The following ZSCAN20 variants were observed in gnomAD, a reference collection of about 807,000 sequenced individuals.
The protein encoded by ZSCAN20 is zinc finger and SCAN domain containing 20.
A neutral mutation model predicts 97.1 loss-of-function variants in ZSCAN20; 39 were observed. The ratio of observed to expected loss-of-function variants is 0.40; its 90% CI spans 0.31 to 0.52. The LOEUF (loss-of-function observed/expected upper bound fraction) is 0.52. Ranked by LOEUF, ZSCAN20 falls within the 20% of genes least tolerant of loss-of-function variation. The probability of loss-of-function intolerance (pLI) is 0.49; values close to 1 mark genes in which losing one functional copy is unlikely to be tolerated. For synonymous variants in ZSCAN20, 456 were observed against 467.3 expected (o/e 0.98, Z 0.31); for missense variants, 1,115 against 1,290.4 (o/e 0.86, Z 2.08).
rs1233304836 is a variant in ZSCAN20, at chr1:33,493,384, C to T, written c.1642C>T (p.Arg548Trp). The T allele has an allele frequency of 6.2e-6, 10 of 1,614,042 alleles. No individual in the cohort carries two copies. The highest frequency in any genetic ancestry group is 2.2e-5 in the East Asian group (1 of 44,888). Residue 548 changes from arginine to tryptophan, a missense_variant, in exon 7 of 8, where the codon CGG (arginine) becomes TGG (tryptophan). By Grantham distance (101) the Arg-to-Trp change is moderately radical. This residue lies in a region of ZSCAN20 where 53 missense variants were observed against 94.3 expected (regional missense o/e 0.56). Transcript: ENST00000684572. This position sits in a 1 kb window ranked among gnomAD's most constrained non-coding sequence, Gnocchi z 4.3. ...ATTCAAAAACCTCCTTCGAAGCTAC[C>T]GGAAAGCCAAGAGCAGCCACCCACC... ...YRFKNLLRSYRKAKSSHPPGT... is the reference protein window; with the variant it reads ...YRFKNLLRSYWKAKSSHPPGT...
chr1:33,495,558 A>C lies in ZSCAN20; in HGVS notation c.*82A>C. The C allele has an allele frequency of 7.8e-7, 1 of 1,286,244 alleles. No homozygotes were observed. Among genetic ancestry groups the C allele is most frequent in the Non-Finnish European group, 1.0e-6 (1 of 993,544 alleles). 79.7% of individuals were successfully genotyped at this position (1,286,244 alleles called of 1,614,324 possible). On this transcript the variant is annotated 3_prime_UTR_variant, in exon 8 of 8. Transcript: ENST00000684572. ...ATGTATGCTAGAGATAAACTTTCCA[A>C]TTTTTAAGCTTGGTGTGTACCCAGG...
At position 33,488,643 on chromosome 1, in the gene ZSCAN20, A is replaced by C; in HGVS notation, c.596A>C (p.Lys199Thr). Residue 199 changes from lysine (K) to threonine (T), a missense_variant, in exon 3 of 8, where the codon AAA (lysine) becomes ACA (threonine). By Grantham distance (78) the Lys-to-Thr change is moderately conservative (BLOSUM62 -1). Coordinates refer to ENST00000684572, the MANE Select transcript of ZSCAN20 (RefSeq NM_001377376.1). ...GCCGAGGTGGCACCACAGCCTTTGAAAGAGAGTGGTGAGTACATCTGAGAA... is the reference window on the plus strand; with the variant it reads ...GCCGAGGTGGCACCACAGCCTTTGACAGAGAGTGGTGAGTACATCTGAGAA... ...LNAEVAPQPL[K>T]ESAVLTPRVP... 1.9e-6 allele frequency: 3 copies of C among 1,611,972 alleles called. No individual in the cohort carries two copies. The highest frequency in any genetic ancestry group is 2.5e-6 in the Non-Finnish European group (3 of 1,179,422).
intron 1 of ZSCAN20, among the ~76,000 whole-genome samples, chr1:33,476,317 C>T (rs1442995285): frequency 1.3e-5 from 2 of 152,110 alleles, no homozygotes; most frequent in African/African-American, 2.4e-5. Flanking sequence ...TAGAAAGTTA[C>T]GGTTATGGTT....
In ZSCAN20 at chr1:33,497,940, C is replaced by T. The variant is rs918690020; in HGVS notation, c.*2464C>T. On this transcript the variant is annotated 3_prime_UTR_variant, in exon 8 of 8. Transcript: ENST00000684572. ...ATGGTGATGCTATGCATTTGGATGT[C>T]GGCTAGCAGCTAGGGGAGAGGCTAG... Among the ~76,000 whole-genome samples the T allele has an allele frequency of 3.9e-5, 6 of 152,100 alleles. No individual in the cohort carries two copies. Among genetic ancestry groups the T allele is most frequent in the Admixed American group, 1.3e-4 (2 of 15,278 alleles).
chr1:33,491,483 G>C lies in ZSCAN20; in HGVS notation c.1225G>C (p.Val409Leu). 1.2e-6 allele frequency: 2 copies of C among 1,614,132 alleles called. No individual in the cohort carries two copies. The highest frequency in any genetic ancestry group is 2.2e-5 in the South Asian group (2 of 91,060). Residue 409 changes from valine (V) to leucine (L), a missense_variant, in exon 6 of 8, where the codon GTC becomes CTC. Transcript: ENST00000684572. This position sits in a 1 kb window ranked among gnomAD's most constrained non-coding sequence, Gnocchi z 4.3. ...CPFYEELEAL[V>L]RARTAIRATD... ...CTTCTATGAGGAGCTGGAGGCCCTGGTCAGGGCTCGGACAGCCATCAGAGC... is the reference window on the plus strand; with the variant it reads ...CTTCTATGAGGAGCTGGAGGCCCTGCTCAGGGCTCGGACAGCCATCAGAGC...
chr1:33,482,207 C>G (rs1652181683), intron 2 of ZSCAN20, among the ~76,000 whole-genome samples: 1 of 152,140 alleles, frequency 6.6e-6, no homozygotes, highest in Non-Finnish European at 1.5e-5. Flanking sequence ...GCTGTAAAAA[C>G]CCTCTGTGTT....
rs1271226565 is a variant in ZSCAN20, at chr1:33,495,481, C to T, written c.*5C>T. ...GCAGGAGGGAAGGCGTCGTAGGGGA[C>T]AGTTTCCTCAACAACAAAGGAGGAC... On this transcript the variant is annotated 3_prime_UTR_variant, in exon 8 of 8. Transcript: ENST00000684572. 2 of 1,504,020 alleles carry T rather than the reference C, an allele frequency of 1.3e-6. No homozygotes were observed. The highest frequency in any genetic ancestry group is 2.8e-5 in the South Asian group (2 of 70,644). 93.2% of individuals were successfully genotyped at this position (1,504,020 alleles called of 1,614,324 possible). A position where few individuals can be genotyped will look rare whatever the true frequency, so the allele number is the denominator to read the frequency against.
In ZSCAN20 at chr1:33,499,272, G is replaced by C. The variant is rs546305781; in HGVS notation, c.*3796G>C. Among the ~76,000 whole-genome samples, 2 of 152,206 alleles carry C rather than the reference G, an allele frequency of 1.3e-5. No homozygotes were observed. Among genetic ancestry groups the C allele is most frequent in the Non-Finnish European group, 2.9e-5 (2 of 68,038 alleles). On this transcript the variant is annotated 3_prime_UTR_variant, in exon 8 of 8. Coordinates refer to ENST00000684572, the MANE Select transcript of ZSCAN20 (RefSeq NM_001377376.1). The stretch of plus-strand genomic sequence containing the variant: ...TTGCAGGTGAACTTGCCTCACCCAG[G>C]CTGTTCTGGGTCTTTGTACTCCAGA...
At chr1:33,486,109 T>C (rs566082180) in intron 2 of ZSCAN20, among the ~76,000 whole-genome samples, 1 of 152,242 alleles carries the variant, frequency 6.6e-6, no homozygotes, top group Non-Finnish European at 1.5e-5. Context: ...ACAGGACTTA[T>C]TAAGAAGAGC....
rs567502794 is a variant in ZSCAN20, at chr1:33,494,592, C to T, written c.2248C>T (p.Arg750Cys). ...CLECGKNFSD[R>C]SNLNTHQRIH... is the part of the protein sequence containing the mutation. ...TGAATGTGGAAAAAACTTTAGTGAC[C>T]GCTCTAACCTCAATACCCATCAGAG... The change falls in exon 8 of 8, where the codon CGC becomes TGC. Residue 750 changes from arginine (R) to cysteine (C), a missense_variant. Arg to Cys is a radical substitution (Grantham distance 180). Coordinates refer to ENST00000684572, the MANE Select transcript of ZSCAN20 (RefSeq NM_001377376.1). 1,185 of 1,613,820 alleles carry T rather than the reference C, an allele frequency of 7.3e-4. 14 individuals are homozygous for T. The South Asian group carries it at 0.011, about 16-fold the overall frequency.
chr1:33,483,319 G>T (rs1480776193), intron 2 of ZSCAN20, among the ~76,000 whole-genome samples: 1 of 150,194 alleles, frequency 6.7e-6, no homozygotes, highest in African/African-American at 2.5e-5. Context: ...TTGCTTCACT[G>T]TATTACCTTT....
chr1:33,495,256 G>A lies in ZSCAN20; in HGVS notation c.2912G>A (p.Arg971His), dbSNP rs759274340. The change falls in exon 8 of 8, where the codon CGT (arginine) becomes CAT (histidine). Residue 971 changes from arginine to histidine, a missense_variant. Arg to His is a conservative substitution (Grantham distance 29). This residue lies in a region of ZSCAN20 where 554 missense variants were observed against 584.9 expected (regional missense o/e 0.95). Coordinates refer to ENST00000684572, the MANE Select transcript of ZSCAN20 (RefSeq NM_001377376.1). The stretch of plus-strand genomic sequence containing the variant: ...GAGTGTGGAAAATTCTTCCGTGACC[G>A]TTCTAACCTCATTACTCACCAGAGG... ...CLECGKFFRDRSNLITHQRIH... is the reference protein window; with the variant it reads ...CLECGKFFRDHSNLITHQRIH... The A allele has an allele frequency of 2.4e-5, 38 of 1,612,586 alleles. No homozygotes were observed. Among genetic ancestry groups the A allele is most frequent in the East Asian group, 4.5e-5 (2 of 44,810 alleles).
At chr1:33,490,139 G>A (rs1279142036) in intron 5 of ZSCAN20, among the ~76,000 whole-genome samples, 1 of 152,150 alleles carries the variant, frequency 6.6e-6, no homozygotes, top group African/African-American at 2.4e-5. Context: ...CATGTGAATA[G>A]CTGAAATAGA....
rs763085054 is a variant in ZSCAN20 at position 33,491,686 on chromosome 1, G to T, written c.1428G>T (p.Leu476=). Residue 476 remains leucine, a synonymous_variant, in exon 6 of 8, where the codon CTG becomes CTT. Transcript: ENST00000684572. The surrounding 1 kb of genome is among the most constrained non-coding windows in gnomAD (Gnocchi z 4.3). ...QGPRIAGAPA[L]FQSRIAGVHW... ...CCAGGATTGCAGGGGCCCCAGCTCTGTTCCAGAGTCGTATTGGTAAGAACA... is the reference window on the plus strand; with the variant it reads ...CCAGGATTGCAGGGGCCCCAGCTCTTTTCCAGAGTCGTATTGGTAAGAACA... The T allele has an allele frequency of 6.3e-7, 1 of 1,595,878 alleles. No individual in the cohort carries two copies. Among genetic ancestry groups the T allele is most frequent in the Admixed American group, 1.8e-5 (1 of 55,552 alleles).
intron 1 of ZSCAN20, among the ~76,000 whole-genome samples, chr1:33,475,978 C>T (rs1570543124): frequency 6.6e-6 from 1 of 152,138 alleles, no homozygotes; most frequent in South Asian, 2.1e-4. Flanking sequence ...CTCTTTCTCT[C>T]TTTCTGATCT....
chr1:33,488,837 A>G (rs1652476801), intron 3 of ZSCAN20, among the ~76,000 whole-genome samples, 186 bp downstream of exon 3: 2 of 149,672 alleles, frequency 1.3e-5, no homozygotes, highest in African/African-American at 5.0e-5. Context: ...CGATGATGTC[A>G]TCATGCCCTG....
At chr1:33,480,432 G>C (rs544110169) in intron 2 of ZSCAN20, among the ~76,000 whole-genome samples, 14 of 152,340 alleles carry the variant, frequency 9.2e-5, no homozygotes, top group African/African-American at 3.4e-4. Context: ...CAAATCCTTA[G>C]GTTCCAAGGT....
At chr1:33,488,871 G>C (rs1184893735) in intron 3 of ZSCAN20, among the ~76,000 whole-genome samples, 1 of 9,026 alleles carries the variant, frequency 1.1e-4, no homozygotes, top group Non-Finnish European at 3.2e-4. Context: ...CCTGCAGCAG[G>C]TGCAGGCTGG....
intron 2 of ZSCAN20, among the ~76,000 whole-genome samples, chr1:33,486,707 G>A (rs924162010): frequency 3.5e-4 from 53 of 152,316 alleles, no homozygotes; most frequent in African/African-American, 1.2e-3. Context: ...AGTAAAGATT[G>A]TTGTTGAATT....
Sources: allele counts gnomAD v4.1 joint callset (sites outside exome capture counted in the v4.1 genomes callset), GRCh38; gene constraint gnomAD v4.1.1; regional missense constraint gnomAD v4.1.1; non-coding constraint Gnocchi (gnomAD v3.1); transcripts MANE v1.5; gene names NCBI Gene and HGNC (gene_info 2026-07-23, HGNC 2026-07-21).